PRUNE2: variants seen among roughly 807,000 people sequenced by gnomAD.
PRUNE2 encodes prune homolog 2 with BCH domain, also known as protein prune homolog 2.
PRUNE2 carries 164 observed loss-of-function variants against 252.0 expected under a neutral mutation model. That is an observed-to-expected ratio of 0.65 (90% confidence interval 0.57 to 0.74). PRUNE2 has a LOEUF of 0.74. PRUNE2 is among the 30% of genes least tolerant of loss of function. The pLI, the probability that PRUNE2 is intolerant of heterozygous loss-of-function variation, is 0.00. For synonymous variants in PRUNE2, 1,292 were observed against 1,350.2 expected (o/e 0.96, Z 0.94); for missense variants, 3,495 against 3,711.0 (o/e 0.94, Z 1.51).
chr9:76,842,047 G>A (rs1055584138), intron 4 of PRUNE2, among the ~76,000 whole-genome samples: 12 of 152,232 alleles, frequency 7.9e-5, no homozygotes, highest in African/African-American at 2.9e-4. Flanking sequence ...ACAATCCTAA[G>A]CAAAAAGAAC....
intron 4 of PRUNE2, among the ~76,000 whole-genome samples, chr9:76,831,025 G>A (rs1290679934): frequency 6.6e-6 from 1 of 151,554 alleles, no homozygotes; most frequent in Non-Finnish European, 1.5e-5. Flanking sequence ...CACCTCCCGG[G>A]TTCACACCAT....
chr9:76,743,371 G>T (rs2049820191), intron 6 of PRUNE2, among the ~76,000 whole-genome samples: 1 of 152,206 alleles, frequency 6.6e-6, no homozygotes, highest in Non-Finnish European at 1.5e-5. Flanking sequence ...GCTAGTCCAT[G>T]AAATAAAGAG....
chr9:76,847,981 T>C (rs184133480), intron 3 of PRUNE2, among the ~76,000 whole-genome samples: 71 of 152,212 alleles, frequency 4.7e-4, no homozygotes, highest in African/African-American at 1.7e-3. Flanking sequence ...AAAGTTAATA[T>C]GGCTGGGCAT....
intron 9 of PRUNE2, among the ~76,000 whole-genome samples, chr9:76,672,808 G>C (rs1477025895): frequency 5.9e-5 from 8 of 135,376 alleles, no homozygotes; most frequent in African/African-American, 8.4e-5. Flanking sequence ...TGACTACTGG[G>C]TACATAACGA....
intron 1 of PRUNE2, among the ~76,000 whole-genome samples, chr9:76,901,657 T>A (rs907875634): frequency 6.6e-6 from 1 of 152,236 alleles, no homozygotes; most frequent in Non-Finnish European, 1.5e-5. Context: ...ATCACTCTAA[T>A]GCAGTTGTTC....
chr9:76,815,592 G>T (rs1434566209), intron 6 of PRUNE2, among the ~76,000 whole-genome samples: 1 of 152,018 alleles, frequency 6.6e-6, no homozygotes, highest in East Asian at 1.9e-4. Context: ...ACTTCATTGG[G>T]GATTAAATTT....
rs752590010 is a variant in PRUNE2 at position 76,709,786 on chromosome 9, C to T, written c.2488G>A (p.Asp830Asn). The change falls in exon 8 of 19, where the codon GAC becomes AAC. Residue 830 changes from aspartate (D) to asparagine (N), a missense_variant. Asp to Asn is a conservative substitution (Grantham distance 23). Coordinates refer to ENST00000376718, the MANE Select transcript of PRUNE2 (RefSeq NM_015225.3). ...PTSSKTPSVR[D>N]PNEWAMAKSG... ...TTTGCCATGGCCCACTCATTCGGGT[C>T]CCTAACAGAAGGTGTCTTGCTGCTT... 1.2e-6 allele frequency: 2 copies of T among 1,613,922 alleles called. No homozygotes were observed. The highest frequency in any genetic ancestry group is 1.1e-5 in the South Asian group (1 of 91,076).
intron 4 of PRUNE2, among the ~76,000 whole-genome samples, chr9:76,844,403 C>T (rs997575617): frequency 9.9e-5 from 15 of 152,186 alleles, no homozygotes; most frequent in African/African-American, 3.4e-4. Flanking sequence ...TCCTCCTTTG[C>T]TTCCTGCCAT....
chr9:76,875,900 A>C (rs1229162144), intron 1 of PRUNE2, among the ~76,000 whole-genome samples: 2 of 152,244 alleles, frequency 1.3e-5, no homozygotes, highest in African/African-American at 4.8e-5. Context: ...AGAAGGCACC[A>C]AGAATAACTG....
At chr9:76,877,928 A>G (rs192999822) in intron 1 of PRUNE2, among the ~76,000 whole-genome samples, 154 of 152,352 alleles carry the variant, frequency 1.0e-3, no homozygotes, top group African/African-American at 2.9e-3. Flanking sequence ...CCTAAGCGGT[A>G]GAGATGCGGA....
At chr9:76,885,280 T>C (rs1055211386) in intron 1 of PRUNE2, among the ~76,000 whole-genome samples, 2 of 152,258 alleles carry the variant, frequency 1.3e-5, no homozygotes, top group African/African-American at 4.8e-5. Context: ...TAGGCCATTC[T>C]TCCTTTCAAT....
chr9:76,888,216 C>T (rs573165449), intron 1 of PRUNE2, among the ~76,000 whole-genome samples: 2 of 152,242 alleles, frequency 1.3e-5, no homozygotes, highest in Admixed American at 6.5e-5. Flanking sequence ...AGAAAGCAAA[C>T]GCGAAGGCCA....
At chr9:76,644,987 T>G in intron 11 of PRUNE2, 78 bp from the exon 12 acceptor site, 1 of 1,312,922 alleles carries the variant, frequency 7.6e-7, no homozygotes, top group South Asian at 1.4e-5. Flanking sequence ...ATGGTAAGCT[T>G]TACAATACAG....
chr9:76,905,174 A>C (rs927115066), intron 1 of PRUNE2, among the ~76,000 whole-genome samples: 1 of 152,166 alleles, frequency 6.6e-6, no homozygotes, highest in African/African-American at 2.4e-5. Flanking sequence ...GTTTGGAATT[A>C]AGAAACTGCT....
Position 76,709,177 on chromosome 9 carries a change from A to G in PRUNE2, c.3097T>C (p.Trp1033Arg). 1.2e-6 allele frequency: 2 copies of G among 1,613,910 alleles called. No homozygotes were observed. The highest frequency in any genetic ancestry group is 1.7e-6 in the Non-Finnish European group (2 of 1,179,858). ...ISSGPGNLDMWASPHTDNSSE... is the reference protein window; with the variant it reads ...ISSGPGNLDMRASPHTDNSSE... Reference sequence around the variant, plus strand: ...CTGTTATCTGTATGAGGTGAAGCCCACATGTCTAGGTTCCCAGGACCTGAA... The same window carrying G: ...CTGTTATCTGTATGAGGTGAAGCCCGCATGTCTAGGTTCCCAGGACCTGAA... Residue 1033 changes from tryptophan to arginine, a missense_variant, in exon 8 of 19, where the codon TGG (tryptophan) becomes CGG (arginine). Trp to Arg is a moderately radical substitution (Grantham distance 101, BLOSUM62 -3). Coordinates refer to ENST00000376718, the MANE Select transcript of PRUNE2 (RefSeq NM_015225.3).
chr9:76,683,914 T>C (rs1588564511), intron 9 of PRUNE2, among the ~76,000 whole-genome samples: 1 of 150,930 alleles, frequency 6.6e-6, no homozygotes, highest in East Asian at 1.9e-4. Context: ...TGTGTATACA[T>C]AAAATATATA....
intron 4 of PRUNE2, among the ~76,000 whole-genome samples, chr9:76,832,788 A>G (rs1936292): frequency 0.28 from 42,445 of 151,840 alleles, 6,118 homozygotes; most frequent in Middle Eastern, 0.4. Context: ...AGTTTTGAAA[A>G]CAATTCAAGA....
At chr9:76,744,662 G>A (rs2049945487) in intron 6 of PRUNE2, among the ~76,000 whole-genome samples, 2 of 152,080 alleles carry the variant, frequency 1.3e-5, no homozygotes, top group Middle Eastern at 3.2e-3. Flanking sequence ...CCACACAATG[G>A]GTAATCTCTC....
chr9:76,731,322 A>ATT (rs1415899404), intron 6 of PRUNE2, among the ~76,000 whole-genome samples: 1 of 101,514 alleles, frequency 9.9e-6, no homozygotes, highest in African/African-American at 4.2e-5. Flanking sequence ...ATATATATAT[A>ATT]TATTTTTTTT....
Sources: allele counts gnomAD v4.1 joint callset (sites outside exome capture counted in the v4.1 genomes callset), GRCh38; gene constraint gnomAD v4.1.1; transcripts MANE v1.5; gene names NCBI Gene and HGNC (gene_info 2026-07-23, HGNC 2026-07-21).